The following COL25A1 variants were observed in gnomAD, a reference collection of about 807,000 sequenced individuals.
COL25A1 encodes collagen alpha-1(XXV) chain.
In COL25A1, 103 loss-of-function variants were observed where a neutral mutation model predicts 128.4. That is an observed-to-expected ratio of 0.80 (90% confidence interval 0.68 to 0.94). The LOEUF (loss-of-function observed/expected upper bound fraction) is 0.94. COL25A1 is among the 40% of genes least tolerant of loss of function. COL25A1 has a pLI of 0.00. For missense variants in COL25A1, 745 were observed against 840.0 expected, an observed-to-expected ratio of 0.89 and a Z score of 1.40; for synonymous variants, 279 against 277.2, an observed-to-expected ratio of 1.01 and a Z score of -0.06.
At chr4:109,030,637 G>T (rs1432755159) in intron 5 of COL25A1, among the ~76,000 whole-genome samples, 1 of 152,210 alleles carries the variant, frequency 6.6e-6, no homozygotes, top group Non-Finnish European at 1.5e-5. Context: ...GAACTTTGAG[G>T]TAGGTCAAAG....
intron 5 of COL25A1, among the ~76,000 whole-genome samples, chr4:109,031,390 A>G (rs1758846359): frequency 6.6e-6 from 1 of 152,206 alleles, no homozygotes. Context: ...TGCTAGGATT[A>G]CAGGCGTGAG....
chr4:109,114,863 AAAG>A (rs1261192305), intron 3 of COL25A1, among the ~76,000 whole-genome samples: 1 of 152,118 alleles, frequency 6.6e-6, no homozygotes, highest in Non-Finnish European at 1.5e-5. Context: ...TGGTCTTCCA[AAAG>A]AAGGAGTGGC....
intron 5 of COL25A1, among the ~76,000 whole-genome samples, chr4:109,047,728 C>CTTTTTTTTTTTTT (rs59105153): frequency 2.3e-5 from 3 of 132,188 alleles, no homozygotes; most frequent in African/African-American, 8.1e-5. Flanking sequence ...TAAGTATACT[C>CTTTTTTTTTTTTT]TTTTTTTTTT....
At chr4:109,229,173 A>T (rs1047219254) in intron 3 of COL25A1, among the ~76,000 whole-genome samples, 1 of 152,218 alleles carries the variant, frequency 6.6e-6, no homozygotes, top group Non-Finnish European at 1.5e-5. Flanking sequence ...GGATTTCTAA[A>T]TAGCTACATT....
At chr4:109,080,164 C>T (rs1453751145) in intron 3 of COL25A1, among the ~76,000 whole-genome samples, 1 of 152,062 alleles carries the variant, frequency 6.6e-6, no homozygotes, top group Non-Finnish European at 1.5e-5. Context: ...CTCTTGTAAT[C>T]CTTACCTCAA....
At position 108,836,515 on chromosome 4, in the gene COL25A1, G is replaced by A. The variant is rs956794521; in HGVS notation, c.1657-4082C>T. Among the ~76,000 whole-genome samples the A allele has an allele frequency of 2.0e-5, 3 of 152,116 alleles. No individual in the cohort carries two copies. In the East Asian group the frequency reaches 5.8e-4, roughly 29 times the overall value. On this transcript the variant is annotated intron_variant, in intron 31 of 37. Transcript: ENST00000399132. Reference sequence around the variant, plus strand: ...AGTTAGAGATCAGCGTGGGAAACATGGCGAGACCCAATCTCTATAAAATAT... The same window carrying A: ...AGTTAGAGATCAGCGTGGGAAACATAGCGAGACCCAATCTCTATAAAATAT...
intron 11 of COL25A1, 115 bp from the exon 12 acceptor site, chr4:108,920,719 A>G: frequency 3.4e-6 from 2 of 589,732 alleles, no homozygotes; most frequent in Non-Finnish European, 5.3e-6. Flanking sequence ...ATATGTTGAC[A>G]TTTCATATAT....
chr4:109,199,025 T>C (rs759272627), intron 3 of COL25A1, among the ~76,000 whole-genome samples: 4 of 152,154 alleles, frequency 2.6e-5, no homozygotes, highest in Non-Finnish European at 1.5e-5. Context: ...AGATAAACTG[T>C]TAGTTTGAGA....
rs58157157 is a variant in COL25A1, at chr4:108,886,492, G to GTGTGTGTGTGTGTGTGTGTT, written c.976-2271_976-2270insAACACACACACACACACACA. 1.3e-4 allele frequency among the ~76,000 whole-genome samples: 14 copies of GTGTGTGTGTGTGTGTGTGTT among 109,272 alleles called. No individual in the cohort carries two copies. In the East Asian group the frequency reaches 2.7e-3, roughly 21 times the overall value. 71.7% of individuals were successfully genotyped at this position (109,272 alleles called of 152,430 possible). ...TGTGTGTGTGTGTGTGTGTGTGTGT[G>GTGTGTGTGTGTGTGTGTGTT]TTTAGCTCATCAGCTATTTTATGTG... On this transcript the variant is annotated intron_variant, in intron 18 of 37. Coordinates refer to ENST00000399132, the MANE Select transcript of COL25A1 (RefSeq NM_198721.4).
chr4:108,906,416 C>T (rs895792650), intron 13 of COL25A1, among the ~76,000 whole-genome samples: 2 of 152,088 alleles, frequency 1.3e-5, no homozygotes, highest in Admixed American at 6.5e-5. Context: ...CCCTGAGTTC[C>T]CCCCACTCCC....
intron 32 of COL25A1, 69 bp downstream of exon 32, chr4:108,832,311 A>T: frequency 9.1e-7 from 1 of 1,100,864 alleles, no homozygotes; most frequent in South Asian, 1.4e-5. Flanking sequence ...TGAACAGTTA[A>T]ATTAATATGG....
rs1730808502 is a variant in COL25A1, at chr4:108,811,722, T to A, written c.*2205A>T. The A allele has an allele frequency of 6.6e-6, 1 of 152,164 alleles. No homozygotes were observed. The highest frequency in any genetic ancestry group is 2.4e-5 in the African/African-American group (1 of 41,460). 9.4% of individuals were successfully genotyped at this position (152,164 alleles called of 1,614,324 possible). Reference sequence around the variant, plus strand: ...TACAAGAAATTGTTAGAAAATGTCCTCCATTATTTTCAAAATGCTAAACTG... The same window carrying A: ...TACAAGAAATTGTTAGAAAATGTCCACCATTATTTTCAAAATGCTAAACTG... On this transcript the variant is annotated 3_prime_UTR_variant, in exon 38 of 38. Transcript: ENST00000399132.
chr4:109,027,293 GA>G (rs1340775372), intron 5 of COL25A1, among the ~76,000 whole-genome samples: 2 of 152,064 alleles, frequency 1.3e-5, no homozygotes, highest in Non-Finnish European at 2.9e-5. Context: ...GCCTTGAATG[GA>G]AAAAAGGAGG....
intron 3 of COL25A1, among the ~76,000 whole-genome samples, chr4:109,166,194 C>A (rs554460366): frequency 6.6e-6 from 1 of 152,200 alleles, no homozygotes; most frequent in South Asian, 2.1e-4. Flanking sequence ...ATAAGATGAG[C>A]TAAAGGTATT....
intron 2 of COL25A1, 125 bp downstream of exon 2, chr4:109,301,598 G>A: frequency 9.6e-7 from 1 of 1,041,480 alleles, no homozygotes; most frequent in Non-Finnish European, 1.4e-6. Flanking sequence ...GCCAACACAT[G>A]CACGCGCGCG....
intron 5 of COL25A1, among the ~76,000 whole-genome samples, chr4:109,018,000 T>C (rs908432250): frequency 1.3e-5 from 2 of 152,202 alleles, no homozygotes; most frequent in East Asian, 1.9e-4. Flanking sequence ...AATTTCATTA[T>C]CTTTAAAATT....
chr4:109,103,619 G>T (rs1288544849), intron 3 of COL25A1, among the ~76,000 whole-genome samples: 1 of 152,078 alleles, frequency 6.6e-6, no homozygotes. Flanking sequence ...CAGAATTGTG[G>T]TATTGAAATG....
At chr4:108,904,471 T>C (rs1743225327) in intron 13 of COL25A1, among the ~76,000 whole-genome samples, 1 of 152,170 alleles carries the variant, frequency 6.6e-6, no homozygotes, top group African/African-American at 2.4e-5. Context: ...ACATCTTATA[T>C]TGTATTAATG....
intron 36 of COL25A1, 32 bp downstream of exon 36, chr4:108,819,220 A>G (rs1056934253): frequency 6.6e-7 from 1 of 1,523,188 alleles, no homozygotes; most frequent in African/African-American, 1.4e-5. Flanking sequence ...AAGGAACTGC[A>G]TGCAGGGTGG....
Sources: gnomAD v4.1 joint callset for allele counts (sites outside exome capture counted in the v4.1 genomes callset) on GRCh38, gnomAD v4.1.1 for gene constraint, MANE v1.5 for transcripts, NCBI Gene and HGNC (gene_info 2026-07-23, HGNC 2026-07-21) for gene names.